The following LRRC69 variants were observed in gnomAD, a reference collection of about 807,000 sequenced individuals.
The protein encoded by LRRC69 is leucine rich repeat containing 69.
A neutral mutation model predicts 37.8 loss-of-function variants in LRRC69; 42 were observed. That is an observed-to-expected ratio of 1.11 (90% CI 0.87 to 1.44). The LOEUF (loss-of-function observed/expected upper bound fraction) is 1.44. Ranked by LOEUF, LRRC69 falls within the 40% of genes most tolerant of loss-of-function variation. The pLI, the probability that LRRC69 is intolerant of heterozygous loss-of-function variation, is 0.00. For missense variants in LRRC69, 357 were observed against 401.9 expected (o/e 0.89, Z 0.96); for synonymous variants, 141 against 143.1 (o/e 0.99, Z 0.11).
intron 1 of LRRC69, among the ~76,000 whole-genome samples, chr8:91,117,877 A>C (rs1813539426): frequency 6.6e-6 from 1 of 151,890 alleles, no homozygotes; most frequent in Non-Finnish European, 1.5e-5. Flanking sequence ...AGGGGTGCTC[A>C]CAAAAATTAG....
chr8:91,126,844 G>T (rs1476338168), intron 2 of LRRC69, among the ~76,000 whole-genome samples: 1 of 151,988 alleles, frequency 6.6e-6, no homozygotes, highest in African/African-American at 2.4e-5. Context: ...TTTAGCTTCT[G>T]ATTCCAGTTT....
chr8:91,167,305 G>A (rs1809047087), intron 5 of LRRC69, among the ~76,000 whole-genome samples: 1 of 151,742 alleles, frequency 6.6e-6, no homozygotes, highest in African/African-American at 2.4e-5. Context: ...TGGCTGCAGG[G>A]AAGGGAGAAC....
At chr8:91,187,784 G>C (rs756102740) in intron 5 of LRRC69, among the ~76,000 whole-genome samples, 79 of 152,280 alleles carry the variant, frequency 5.2e-4, no homozygotes, top group Middle Eastern at 3.4e-3. Flanking sequence ...GACTTATTCA[G>C]GGGTTCACTT....
chr8:91,201,498 ATAT>A (rs1211743586), intron 7 of LRRC69, among the ~76,000 whole-genome samples: 1 of 132,196 alleles, frequency 7.6e-6, no homozygotes, highest in East Asian at 2.1e-4. Flanking sequence ...ATATCATGAA[ATAT>A]TATTTTATTT....
At chr8:91,176,465 G>T (rs1252184564) in intron 5 of LRRC69, among the ~76,000 whole-genome samples, 1 of 151,974 alleles carries the variant, frequency 6.6e-6, no homozygotes, top group Non-Finnish European at 1.5e-5. Context: ...ATTTTAAATA[G>T]ATGTATTAGG....
intron 5 of LRRC69, among the ~76,000 whole-genome samples, chr8:91,136,138 A>G (rs867781235): frequency 3.9e-5 from 6 of 152,106 alleles, no homozygotes; most frequent in Middle Eastern, 3.4e-3. Context: ...ACAATGAAAA[A>G]TGCACTTTTT....
intron 5 of LRRC69, among the ~76,000 whole-genome samples, chr8:91,150,163 A>C (rs1164239330): frequency 6.6e-6 from 1 of 151,968 alleles, no homozygotes; most frequent in Non-Finnish European, 1.5e-5. Flanking sequence ...GTCTTGTGCC[A>C]ATTTTCAAAT....
intron 6 of LRRC69, among the ~76,000 whole-genome samples, chr8:91,199,271 C>T (rs1482444147): frequency 6.6e-6 from 1 of 152,134 alleles, no homozygotes; most frequent in African/African-American, 2.4e-5. Context: ...GATTTAGGCA[C>T]CCTTGTAATA....
chr8:91,193,734 T>G (rs1385297315), intron 6 of LRRC69, among the ~76,000 whole-genome samples: 3 of 137,066 alleles, frequency 2.2e-5, no homozygotes, highest in Admixed American at 1.5e-4. Flanking sequence ...CTTATCAGCT[T>G]AAGGAGATTT....
intron 5 of LRRC69, among the ~76,000 whole-genome samples, chr8:91,189,289 C>A (rs1181866951): frequency 6.6e-6 from 1 of 152,114 alleles, no homozygotes; most frequent in Non-Finnish European, 1.5e-5. Flanking sequence ...GACCAGTGAC[C>A]CCTAAGGTCA....
intron 5 of LRRC69, among the ~76,000 whole-genome samples, chr8:91,156,617 G>T (rs13280667): frequency 0.67 from 101,581 of 150,582 alleles, 34,734 homozygotes; most frequent in Middle Eastern, 0.74. Flanking sequence ...TCCGTGGTTT[G>T]GAGTATTTTT....
At chr8:91,143,149 C>T (rs1004574106) in intron 5 of LRRC69, among the ~76,000 whole-genome samples, 3 of 152,022 alleles carry the variant, frequency 2.0e-5, no homozygotes, top group African/African-American at 7.2e-5. Flanking sequence ...ATCAGCCAAT[C>T]TAAAATTGGA....
chr8:91,116,009 A>G (rs1284550714), intron 1 of LRRC69, among the ~76,000 whole-genome samples: 1 of 152,092 alleles, frequency 6.6e-6, no homozygotes, highest in Non-Finnish European at 1.5e-5. Flanking sequence ...ATCATGGTTT[A>G]TAACCTATGC....
intron 7 of LRRC69, among the ~76,000 whole-genome samples, chr8:91,216,733 A>G (rs1810054769): frequency 6.6e-6 from 1 of 152,146 alleles, no homozygotes; most frequent in South Asian, 2.1e-4. Flanking sequence ...TAGGGAATCA[A>G]TATTATATCT....
chr8:91,180,035 A>G (rs570208507), intron 5 of LRRC69, among the ~76,000 whole-genome samples: 1 of 152,198 alleles, frequency 6.6e-6, no homozygotes, highest in Admixed American at 6.5e-5. Flanking sequence ...GGATTTATCC[A>G]TATATTTATT....
At chr8:91,153,453 A>G (rs897625284) in intron 5 of LRRC69, among the ~76,000 whole-genome samples, 3 of 151,894 alleles carry the variant, frequency 2.0e-5, no homozygotes, top group Non-Finnish European at 2.9e-5. Flanking sequence ...AATTGATGAA[A>G]TAATTGGAAG....
chr8:91,154,752 C>A (rs1471693997), intron 5 of LRRC69, among the ~76,000 whole-genome samples: 1 of 151,552 alleles, frequency 6.6e-6, no homozygotes, highest in Non-Finnish European at 1.5e-5. Context: ...TTATGACAAA[C>A]CCACAGCCAA....
chr8:91,158,233 G>A, intron 5 of LRRC69: 3 of 1,587,460 alleles, frequency 1.9e-6, no homozygotes, highest in Non-Finnish European at 2.6e-6. Context: ...ATCAAGTTAA[G>A]GATCTCTACA....
chr8:91,198,255 C>T (rs1809652620), intron 6 of LRRC69, among the ~76,000 whole-genome samples: 1 of 152,102 alleles, frequency 6.6e-6, no homozygotes, highest in Non-Finnish European at 1.5e-5. Context: ...ATTTAATTCT[C>T]CAAACTCTTT....
Sources: gnomAD v4.1 joint callset for allele counts (sites outside exome capture counted in the v4.1 genomes callset) on GRCh38, gnomAD v4.1.1 for gene constraint, MANE v1.5 for transcripts, NCBI Gene and HGNC (gene_info 2026-07-23, HGNC 2026-07-21) for gene names.